HDAC9: variants seen among roughly 807,000 people sequenced by gnomAD.
The protein encoded by HDAC9 is MEF-2 interacting transcription repressor (MITR) protein.
In HDAC9, 41 loss-of-function variants were observed where a neutral mutation model predicts 139.4. That is an observed-to-expected ratio of 0.29 (90% CI 0.23 to 0.38). The LOEUF is 0.38. Among genes scored for constraint, HDAC9 ranks in the 10% least tolerant of loss-of-function variants. The pLI, the probability that HDAC9 is intolerant of heterozygous loss-of-function variation, is 1.00. For synonymous variants in HDAC9, 517 were observed against 476.2 expected (o/e 1.09, Z -1.12); for missense variants, 1,147 against 1,297.0 (o/e 0.88, Z 1.78).
intron 3 of HDAC9, 83 bp downstream of exon 3, chr7:18,585,605 C>T (rs763235134): frequency 2.6e-5 from 39 of 1,488,828 alleles, no homozygotes; most frequent in Admixed American, 5.6e-5. Flanking sequence ...GAACACTTTG[C>T]GGGTAGATTC....
At chr7:18,541,305 C>T (rs1320671956) in intron 2 of HDAC9, among the ~76,000 whole-genome samples, 3 of 151,944 alleles carry the variant, frequency 2.0e-5, no homozygotes, top group East Asian at 1.9e-4. Context: ...GCCAGTAGAA[C>T]GTGACCTTGG....
chr7:18,702,734 G>A (rs946013333), intron 12 of HDAC9, among the ~76,000 whole-genome samples: 2 of 152,108 alleles, frequency 1.3e-5, no homozygotes, highest in African/African-American at 4.8e-5. Flanking sequence ...ACAACTCGGC[G>A]GAACAATTAG....
chr7:18,295,254 G>A (rs553726605), intron 1 of HDAC9, among the ~76,000 whole-genome samples: 22 of 152,194 alleles, frequency 1.4e-4, no homozygotes, highest in African/African-American at 4.8e-4. Flanking sequence ...AGAGAAAAGG[G>A]AAAACAAGAA....
intron 22 of HDAC9, among the ~76,000 whole-genome samples, chr7:18,913,650 T>C (rs1041014132): frequency 3.9e-5 from 6 of 152,070 alleles, no homozygotes; most frequent in African/African-American, 1.4e-4. Context: ...ATTAAAGCTT[T>C]GAGAGGTGGT....
intron 16 of HDAC9, among the ~76,000 whole-genome samples, chr7:18,783,341 G>A (rs913003510): frequency 1.1e-4 from 17 of 151,960 alleles, no homozygotes; most frequent in Non-Finnish European, 1.9e-4. Flanking sequence ...ATTATTATGT[G>A]GTAAGGGGCA....
chr7:18,958,846 T>A (rs1783337540), intron 24 of HDAC9, among the ~76,000 whole-genome samples: 1 of 152,194 alleles, frequency 6.6e-6, no homozygotes, highest in African/African-American at 2.4e-5. Context: ...CTCTCCTTTC[T>A]TCACAACCCA....
At chr7:18,835,853 C>A in intron 20 of HDAC9, 47 bp from the exon 21 acceptor site, 1 of 1,287,624 alleles carries the variant, frequency 7.8e-7, no homozygotes, top group South Asian at 1.3e-5. Flanking sequence ...TGCTTTCTTC[C>A]ATTTGCTCTC....
intron 1 of HDAC9, among the ~76,000 whole-genome samples, chr7:18,488,657 T>C (rs1796146778): frequency 6.6e-6 from 1 of 152,016 alleles, no homozygotes; most frequent in Admixed American, 6.6e-5. Context: ...GGAAGCTCTG[T>C]CATGACTACA....
chr7:18,668,895 T>C, intron 12 of HDAC9: 1 of 983,282 alleles, frequency 1.0e-6, no homozygotes, highest in Non-Finnish European at 1.2e-6. Flanking sequence ...TAATCGAAGT[T>C]GAAGCTTGCA....
chr7:18,947,266 A>C (rs967310505), intron 23 of HDAC9, among the ~76,000 whole-genome samples: 1 of 152,018 alleles, frequency 6.6e-6, no homozygotes, highest in Non-Finnish European at 1.5e-5. Context: ...TATAAATAAA[A>C]TGATAAAATA....
intron 24 of HDAC9, among the ~76,000 whole-genome samples, chr7:18,956,278 A>T (rs1387060267): frequency 6.6e-6 from 1 of 152,106 alleles, no homozygotes; most frequent in Non-Finnish European, 1.5e-5. Context: ...TGATCCAATA[A>T]TGCCATAATT....
intron 21 of HDAC9, among the ~76,000 whole-genome samples, chr7:18,864,940 T>C (rs757796390): frequency 6.6e-6 from 1 of 152,172 alleles, no homozygotes; most frequent in Non-Finnish European, 1.5e-5. Context: ...TTTACCACAA[T>C]AAAACTTTTA....
intron 22 of HDAC9, among the ~76,000 whole-genome samples, chr7:18,885,448 AT>A (rs1194121514): frequency 1.3e-5 from 2 of 152,108 alleles, no homozygotes; most frequent in Non-Finnish European, 2.9e-5. Flanking sequence ...ACCTTTGTGT[AT>A]TTTTTGTATT....
chr7:18,814,784 A>T (rs952255112), intron 17 of HDAC9, among the ~76,000 whole-genome samples: 1 of 152,196 alleles, frequency 6.6e-6, no homozygotes, highest in African/African-American at 2.4e-5. Flanking sequence ...AGCCTTGGAA[A>T]ATTAGAGTTT....
At chr7:18,462,681 A>C (rs897618175) in intron 1 of HDAC9, among the ~76,000 whole-genome samples, 21 of 151,974 alleles carry the variant, frequency 1.4e-4, no homozygotes, top group African/African-American at 4.6e-4. Context: ...AGTTGGTGAG[A>C]TTGATTCACA....
chr7:18,245,513 G>T (rs1015207059), intron 2 of HDAC9, among the ~76,000 whole-genome samples: 1 of 151,956 alleles, frequency 6.6e-6, no homozygotes, highest in South Asian at 2.1e-4. Context: ...GCATGAACCC[G>T]GACTTTGACC....
At chr7:18,221,070 C>A (rs1197957644) in intron 2 of HDAC9, among the ~76,000 whole-genome samples, 1 of 150,974 alleles carries the variant, frequency 6.6e-6, no homozygotes, top group East Asian at 1.9e-4. Flanking sequence ...TATAATTCCA[C>A]AGTGACAATT....
At chr7:18,360,565 A>G (rs1214870415) in intron 1 of HDAC9, among the ~76,000 whole-genome samples, 1 of 152,228 alleles carries the variant, frequency 6.6e-6, no homozygotes, top group East Asian at 1.9e-4. Context: ...TTTTCCTCTC[A>G]CTGTTACTTT....
intron 2 of HDAC9, among the ~76,000 whole-genome samples, chr7:18,214,367 T>C (rs1792150169): frequency 6.6e-6 from 1 of 152,112 alleles, no homozygotes; most frequent in South Asian, 2.1e-4. Flanking sequence ...TTTTCAGAGG[T>C]AAATGCATGC....
Sources: gnomAD v4.1 joint callset for allele counts (sites outside exome capture counted in the v4.1 genomes callset) on GRCh38, gnomAD v4.1.1 for gene constraint, MANE v1.5 for transcripts, NCBI Gene and HGNC (gene_info 2026-07-23, HGNC 2026-07-21) for gene names.